Variants in HEATR3 observed in about 807,000 individuals in gnomAD.
The protein encoded by HEATR3 is HEAT repeat containing 3, also known as HEAT repeat-containing protein 3.
In HEATR3, 56 loss-of-function variants were observed where a neutral mutation model predicts 72.8. That is an observed-to-expected ratio of 0.77 (90% CI 0.62 to 0.96). The LOEUF (loss-of-function observed/expected upper bound fraction) is 0.96. Among genes scored for constraint, HEATR3 ranks in the 40% least tolerant of loss-of-function variants. HEATR3 has a pLI of 0.00. For missense variants in HEATR3, 747 were observed against 831.4 expected, an observed-to-expected ratio of 0.90 and a Z score of 1.25; for synonymous variants, 331 against 318.1, an observed-to-expected ratio of 1.04 and a Z score of -0.43.
At position 50,078,751 on chromosome 16, in the gene HEATR3, G is replaced by A. The variant is rs755669243; in HGVS notation, c.774G>A (p.Trp258Ter). The A allele has an allele frequency of 6.2e-7, 1 of 1,604,534 alleles. No homozygotes were observed. ...LLKTLVAGTI[W>*]NLKDIIPCKS... ...TTGTTTTTTTCCCAGGCACAATTTG[G>A]AATCTAAAGGACATTATTCCATGCA... The change falls in exon 7 of 15, where the codon TGG (tryptophan) becomes TGA (stop). Residue 258 changes from tryptophan (W) to a stop codon, truncating the protein, a stop_gained. Coordinates refer to ENST00000299192, the MANE Select transcript of HEATR3 (RefSeq NM_182922.4). LOFTEE classifies it high-confidence loss of function.
chr16:50,068,989 T>G (rs557053124), intron 3 of HEATR3, 122 bp downstream of exon 3: 10 of 680,070 alleles, frequency 1.5e-5, no homozygotes, highest in Non-Finnish European at 2.1e-5. Context: ...TTCATTCCTT[T>G]TCCTGGAAAC....
chr16:50,095,670 G>A (rs1382898714), intron 12 of HEATR3, among the ~76,000 whole-genome samples: 2 of 151,988 alleles, frequency 1.3e-5, no homozygotes, highest in Non-Finnish European at 2.9e-5. Context: ...TGGGATTACA[G>A]GTGTGCGCTA....
At chr16:50,084,697 T>G (rs563943156) in intron 10 of HEATR3, 46 bp downstream of exon 10, 1 of 1,379,650 alleles carries the variant, frequency 7.2e-7, no homozygotes, top group South Asian at 1.2e-5. Flanking sequence ...TATTTTATTT[T>G]ATGAAATGAT....
At chr16:50,066,798 C>G (rs566690233) in intron 2 of HEATR3, 19 of 377,770 alleles carry the variant, frequency 5.0e-5, no homozygotes, top group African/African-American at 4.0e-4. Context: ...ACGTTTTACA[C>G]TCTCCAAAAG....
intron 11 of HEATR3, among the ~76,000 whole-genome samples, chr16:50,089,645 C>T (rs368960817): frequency 1.3e-5 from 2 of 151,952 alleles, no homozygotes; most frequent in Non-Finnish European, 2.9e-5. Context: ...AAAGGATAAT[C>T]GCTTATATTT....
chr16:50,088,931 A>G (rs2037048014), intron 11 of HEATR3, among the ~76,000 whole-genome samples: 1 of 151,766 alleles, frequency 6.6e-6, no homozygotes, highest in Non-Finnish European at 1.5e-5. Context: ...AGTCTGGTCC[A>G]GGTACCCCCG....
chr16:50,094,259 G>A (rs62029886), intron 11 of HEATR3, among the ~76,000 whole-genome samples: 2,120 of 152,328 alleles, frequency 0.014, 22 homozygotes, highest in Non-Finnish European at 0.023. Context: ...ATCATGTCCT[G>A]GCTCTGCACA....
chr16:50,083,895 A>G, intron 7 of HEATR3, 42 bp from the exon 8 acceptor site: 1 of 1,540,662 alleles, frequency 6.5e-7, no homozygotes, highest in Non-Finnish European at 8.8e-7. Flanking sequence ...CATTTTCCCA[A>G]CCATTGAGAG....
chr16:50,103,509 A>T (rs1393306707), intron 14 of HEATR3, among the ~76,000 whole-genome samples: 3 of 152,202 alleles, frequency 2.0e-5, no homozygotes, highest in Non-Finnish European at 2.9e-5. Flanking sequence ...TGTTTCTCAA[A>T]AGTGCCCTCC....
In HEATR3 at chr16:50,066,205, C is replaced by T; in HGVS notation, c.74C>T (p.Ala25Val). ...ACGGGCGACTGTCAGGCCGAGGCGG[C>T]TGCGGCGGCGAATGGGACCGGAGGC... ...SPTGDCQAEA[A>V]AAANGTGGEE... The change falls in exon 1 of 15, where the codon GCT (alanine) becomes GTT (valine). Residue 25 changes from alanine to valine, a missense_variant. Physicochemically the swap from Ala to Val is moderately conservative, Grantham distance 64. This residue lies in a region of HEATR3 where 161 missense variants were observed against 122.6 expected (regional missense o/e 1.31). Transcript: ENST00000299192. 5 of 1,581,334 alleles carry T rather than the reference C, an allele frequency of 3.2e-6. No individual in the cohort carries two copies. Among genetic ancestry groups the T allele is most frequent in the Non-Finnish European group, 3.4e-6 (4 of 1,165,174 alleles).
chr16:50,086,290 A>C lies in HEATR3; in HGVS notation c.1449A>C (p.Gly483=). 4 of 1,588,726 alleles carry C rather than the reference A, an allele frequency of 2.5e-6. No homozygotes were observed. Among genetic ancestry groups the C allele is most frequent in the Non-Finnish European group, 3.4e-6 (4 of 1,166,694 alleles). Residue 483 remains glycine (G), a synonymous_variant, in exon 11 of 15, where the codon GGA becomes GGC. Transcript: ENST00000299192. ...LVSLLDVEHL[G]GAAALQTLAQ... Reference sequence around the variant, plus strand: ...CCCTCCTGGATGTGGAGCACCTGGGAGGAGCCGCAGCCCTTCAGACGCTTG... The same window carrying C: ...CCCTCCTGGATGTGGAGCACCTGGGCGGAGCCGCAGCCCTTCAGACGCTTG...
rs2037337351 is a variant in HEATR3, at chr16:50,100,258, T to C, written c.1628T>C (p.Leu543Ser). ...ATGACTCCTGATCAGCTGATGACAT[T>C]ATGCAAAGCAGGCATTCATAGTAGT... is the stretch of plus-strand genomic sequence containing the variant. ...QCMTPDQLMT[L>S]CKAGIHSSNV... The change falls in exon 13 of 15, where the codon TTA (leucine) becomes TCA (serine). Residue 543 changes from leucine (L) to serine (S), a missense_variant. By Grantham distance (145) the Leu-to-Ser change is moderately radical. Around this residue, in one of 2 missense-constraint regions of HEATR3, gnomAD observed 586 missense variants for 708.8 expected, o/e 0.83. Transcript: ENST00000299192. 1 of 1,613,902 alleles carries C rather than the reference T, an allele frequency of 6.2e-7. No homozygotes were observed. Among genetic ancestry groups the C allele is most frequent in the African/African-American group, 1.3e-5 (1 of 74,946 alleles).
intron 4 of HEATR3, among the ~76,000 whole-genome samples, chr16:50,070,980 C>T (rs2036598464): frequency 1.3e-5 from 2 of 152,148 alleles, no homozygotes; most frequent in Non-Finnish European, 2.9e-5. Flanking sequence ...AGATGGGGAC[C>T]ACAGACCTTG....
chr16:50,066,862 C>G (rs1312371704), intron 2 of HEATR3: 1 of 295,684 alleles, frequency 3.4e-6, no homozygotes. Context: ...TGTCAGGAAT[C>G]GTTCTAGATG....
rs968154865 is a variant in HEATR3, at chr16:50,072,624, G to A, written c.532G>A (p.Val178Met). The change falls in exon 5 of 15, where the codon GTG becomes ATG. Residue 178 changes from valine to methionine, a missense_variant. Val to Met is a conservative substitution (Grantham distance 21). Coordinates refer to ENST00000299192, the MANE Select transcript of HEATR3 (RefSeq NM_182922.4). ...WNICECSSRAVSIFNKEGCLE... is the reference protein window; with the variant it reads ...WNICECSSRAMSIFNKEGCLE... Reference sequence around the variant, plus strand: ...ATTTAGTGAATGCAGTAGTAGAGCAGTGTCTATATTCAACAAAGAAGGGTG... The same window carrying A: ...ATTTAGTGAATGCAGTAGTAGAGCAATGTCTATATTCAACAAAGAAGGGTG... 1.2e-6 allele frequency: 2 copies of A among 1,608,702 alleles called. No individual in the cohort carries two copies. Among genetic ancestry groups the A allele is most frequent in the Non-Finnish European group, 1.7e-6 (2 of 1,175,250 alleles).
intron 11 of HEATR3, among the ~76,000 whole-genome samples, chr16:50,087,344 C>T (rs1422329583): frequency 1.3e-5 from 2 of 151,942 alleles, no homozygotes; most frequent in East Asian, 1.9e-4. Flanking sequence ...AGATCTATAG[C>T]GATACAAGAG....
chr16:50,095,405 CTTTT>C (rs60357183), intron 12 of HEATR3, among the ~76,000 whole-genome samples: 15,910 of 136,066 alleles, frequency 0.12, 984 homozygotes, highest in African/African-American at 0.16. Flanking sequence ...CCGTACCCAG[CTTTT>C]TTTTTTTTTT....
chr16:50,066,170 G>A lies in HEATR3; in HGVS notation c.39G>A (p.Gln13=). The stretch of plus-strand genomic sequence containing the variant: ...GGACGAAGCGCTTCAAGCGACCTCA[G>A]TTCTCCCCTACGGGCGACTGTCAGG... ...KSRTKRFKRP[Q]FSPTGDCQAE... The change falls in exon 1 of 15, where the codon CAG becomes CAA. Residue 13 remains glutamine, a synonymous_variant. Transcript: ENST00000299192. 1 of 1,596,984 alleles carries A rather than the reference G, an allele frequency of 6.3e-7. No individual in the cohort carries two copies. The highest frequency in any genetic ancestry group is 8.5e-7 in the Non-Finnish European group (1 of 1,173,186).
intron 11 of HEATR3, among the ~76,000 whole-genome samples, chr16:50,091,659 G>A (rs1212841242): frequency 2.6e-5 from 4 of 151,964 alleles, no homozygotes; most frequent in African/African-American, 9.7e-5. Flanking sequence ...CAGATCATGA[G>A]GTCAGGAGAT....
Sources: gnomAD v4.1 joint callset for allele counts (sites outside exome capture counted in the v4.1 genomes callset) on GRCh38, gnomAD v4.1.1 for gene constraint, gnomAD v4.1.1 regional missense constraint, MANE v1.5 for transcripts, NCBI Gene and HGNC (gene_info 2026-07-23, HGNC 2026-07-21) for gene names.